The following LRRC28 variants were observed in gnomAD, a reference collection of about 807,000 sequenced individuals.
The protein encoded by LRRC28 is leucine-rich repeat-containing protein 28.
A neutral mutation model predicts 45.7 loss-of-function variants in LRRC28; 39 were observed. The ratio of observed to expected loss-of-function variants is 0.85; its 90% CI spans 0.66 to 1.12. The LOEUF is 1.12. LRRC28 is among the 50% of genes most tolerant of loss of function. The pLI is 0.00. For missense variants in LRRC28, 435 were observed against 438.5 expected (o/e 0.99, Z 0.07); for synonymous variants, 206 against 178.8 (o/e 1.15, Z -1.22).
chr15:99,317,000 CTTT>C (rs35415959), intron 5 of LRRC28, among the ~76,000 whole-genome samples: 6 of 138,482 alleles, frequency 4.3e-5, no homozygotes, highest in Non-Finnish European at 4.7e-5. Flanking sequence ...CCTACTGGGC[CTTT>C]TTTTTTTTTT....
intron 9 of LRRC28, among the ~76,000 whole-genome samples, chr15:99,368,465 T>G (rs1453736876): frequency 6.6e-6 from 1 of 152,202 alleles, no homozygotes; most frequent in African/African-American, 2.4e-5. Flanking sequence ...GGCTCCACAC[T>G]CTGTTCTCTG....
intron 6 of LRRC28, among the ~76,000 whole-genome samples, chr15:99,336,735 G>C (rs1474796953): frequency 6.6e-6 from 1 of 152,182 alleles, no homozygotes; most frequent in Non-Finnish European, 1.5e-5. Context: ...GCCTAGGCCT[G>C]AGACCTGTTA....
In LRRC28 at chr15:99,333,953, T is replaced by C; in HGVS notation, c.416T>C (p.Leu139Pro). The C allele has an allele frequency of 6.2e-7, 1 of 1,614,142 alleles. No homozygotes were observed. Among genetic ancestry groups the C allele is most frequent in the Non-Finnish European group, 8.5e-7 (1 of 1,180,004 alleles). ...EVGDLKELQT[L>P]DISTNRLLTL... Reference sequence around the variant, plus strand: ...GGCGATTTGAAGGAGCTGCAGACACTAGACATTTCTACCAATCGTTTGCTA... The same window carrying C: ...GGCGATTTGAAGGAGCTGCAGACACCAGACATTTCTACCAATCGTTTGCTA... Residue 139 changes from leucine (L) to proline (P), a missense_variant, in exon 6 of 10, where the codon CTA (leucine) becomes CCA (proline). Coordinates refer to ENST00000301981, the MANE Select transcript of LRRC28 (RefSeq NM_144598.5).
intron 9 of LRRC28, among the ~76,000 whole-genome samples, chr15:99,377,208 T>C (rs1597464249): frequency 1.3e-5 from 2 of 151,786 alleles, no homozygotes; most frequent in Admixed American, 1.3e-4. Context: ...CCAGCACCTG[T>C]TGTTTCCTGA....
At chr15:99,328,163 G>C (rs556887681) in intron 5 of LRRC28, among the ~76,000 whole-genome samples, 30 of 152,328 alleles carry the variant, frequency 2.0e-4, no homozygotes, top group African/African-American at 7.2e-4. Context: ...CACTTGAAAA[G>C]AATGTGTGTA....
chr15:99,301,248 T>C, intron 5 of LRRC28, among the ~76,000 whole-genome samples: 1 of 152,244 alleles, frequency 6.6e-6, no homozygotes, highest in East Asian at 1.9e-4. Context: ...ATATAGACTA[T>C]AGAATACTAT....
At chr15:99,274,559 C>T (rs908069954) in intron 2 of LRRC28, among the ~76,000 whole-genome samples, 2 of 152,212 alleles carry the variant, frequency 1.3e-5, no homozygotes, top group African/African-American at 2.4e-5. Flanking sequence ...GCTTATGCTG[C>T]ACACAGCAGA....
intron 9 of LRRC28, among the ~76,000 whole-genome samples, chr15:99,367,954 A>G (rs374003995): frequency 6.6e-6 from 1 of 152,152 alleles, no homozygotes; most frequent in African/African-American, 2.4e-5. Flanking sequence ...ACCAGCACAC[A>G]TCCTGAAGCT....
intron 9 of LRRC28, among the ~76,000 whole-genome samples, chr15:99,385,200 C>T (rs866246901): frequency 3.9e-4 from 60 of 152,154 alleles, no homozygotes; most frequent in African/African-American, 1.4e-3. Flanking sequence ...CTGCTGGTGC[C>T]TCCTGCTGGT....
intron 6 of LRRC28, among the ~76,000 whole-genome samples, chr15:99,337,676 G>T (rs531116234): frequency 6.6e-6 from 1 of 152,222 alleles, no homozygotes; most frequent in Non-Finnish European, 1.5e-5. Context: ...AGGCAAGAGG[G>T]TCTGCTCTGC....
chr15:99,384,530 T>G (rs1171646299), intron 9 of LRRC28: 2 of 152,206 alleles, frequency 1.3e-5, no homozygotes, highest in Non-Finnish European at 2.9e-5. Flanking sequence ...ACTTTCTGAT[T>G]CTCTGTCCAT....
chr15:99,322,170 G>A (rs1567661602), intron 5 of LRRC28, among the ~76,000 whole-genome samples: 2 of 152,162 alleles, frequency 1.3e-5, no homozygotes, highest in Non-Finnish European at 2.9e-5. Context: ...GGGAAGAGAG[G>A]TGGGCCAGGG....
chr15:99,387,088 T>A lies in LRRC28; in HGVS notation c.*986T>A, dbSNP rs1171403891. 1 of 151,456 alleles carries A rather than the reference T, an allele frequency of 6.6e-6. No individual in the cohort carries two copies. Among genetic ancestry groups the A allele is most frequent in the Non-Finnish European group, 1.5e-5 (1 of 67,858 alleles). The allele number at this position is 151,456 out of a possible 1,614,324, so 9.4% of individuals were successfully genotyped here. On this transcript the variant is annotated 3_prime_UTR_variant, in exon 10 of 10. Transcript: ENST00000301981. ...TTTTTTTGTTGTTGTTGAGACGGAG[T>A]CTCGCTCTGTCGCCCAGGCTGGAGT...
At chr15:99,330,238 T>G (rs1567668537) in intron 5 of LRRC28, among the ~76,000 whole-genome samples, 1 of 152,176 alleles carries the variant, frequency 6.6e-6, no homozygotes, top group South Asian at 2.1e-4. Flanking sequence ...CTTTTAGGAT[T>G]TTGGCCCAAG....
chr15:99,337,437 T>G (rs1420932239), intron 6 of LRRC28, among the ~76,000 whole-genome samples: 1 of 152,256 alleles, frequency 6.6e-6, no homozygotes, highest in Non-Finnish European at 1.5e-5. Flanking sequence ...TCTTCTGCCT[T>G]GGCACTCTCA....
intron 3 of LRRC28, among the ~76,000 whole-genome samples, chr15:99,277,026 CATTT>C (rs1441456549): frequency 6.6e-6 from 1 of 152,026 alleles, no homozygotes; most frequent in Non-Finnish European, 1.5e-5. Context: ...CTCCACGCTT[CATTT>C]GTTTTAGTTC....
At chr15:99,266,795 TCAAA>T (rs1426390898) in intron 2 of LRRC28, among the ~76,000 whole-genome samples, 23 of 152,228 alleles carry the variant, frequency 1.5e-4, no homozygotes, top group African/African-American at 4.6e-4. Context: ...TACCAAGTGC[TCAAA>T]CAGTTTTACG....
At chr15:99,339,866 A>T (rs1169281009) in intron 6 of LRRC28, among the ~76,000 whole-genome samples, 1 of 152,258 alleles carries the variant, frequency 6.6e-6, no homozygotes, top group East Asian at 1.9e-4. Flanking sequence ...CTGGGTTTCT[A>T]AACCAGCCCC....
At chr15:99,345,735 G>A (rs1200163537) in intron 6 of LRRC28, among the ~76,000 whole-genome samples, 2 of 152,086 alleles carry the variant, frequency 1.3e-5, no homozygotes, top group African/African-American at 4.8e-5. Flanking sequence ...GCAATATTTT[G>A]GTAATTCTCT....
Sources: allele counts gnomAD v4.1 joint callset (sites outside exome capture counted in the v4.1 genomes callset), GRCh38; gene constraint gnomAD v4.1.1; transcripts MANE v1.5; gene names NCBI Gene and HGNC (gene_info 2026-07-23, HGNC 2026-07-21).